Variants in OCA2 observed in about 807,000 individuals in gnomAD.
The protein encoded by OCA2 is OCA2 melanosomal transmembrane protein, also known as P protein.
In OCA2, 77 loss-of-function variants were observed where a neutral mutation model predicts 100.2. The ratio of observed to expected loss-of-function variants is 0.77; its 90% confidence interval spans 0.64 to 0.93. The LOEUF is 0.93. Among genes scored for constraint, OCA2 ranks in the 40% least tolerant of loss-of-function variants. The pLI is 0.00. For missense variants in OCA2, 1,062 were observed against 1,089.1 expected (o/e 0.98, Z 0.35); for synonymous variants, 432 against 439.2 (o/e 0.98, Z 0.21).
At chr15:27,971,551 G>C (rs1328050248) in intron 14 of OCA2, among the ~76,000 whole-genome samples, 3 of 152,120 alleles carry the variant, frequency 2.0e-5, no homozygotes, top group Admixed American at 6.5e-5. Context: ...GGAATAAGTG[G>C]TTGTCCATGT....
chr15:27,999,028 A>C lies in OCA2; in HGVS notation c.1045-8381T>G, dbSNP rs375803831. 8.6e-5 allele frequency among the ~76,000 whole-genome samples: 13 copies of C among 151,940 alleles called. No individual in the cohort carries two copies. The East Asian group carries it at 2.3e-3, about 27-fold the overall frequency. ...AACACATGGACACAGGAAGGGGAAC[A>C]TCACACTCTGGGGACTGTTGTGGGG... On this transcript the variant is annotated intron_variant, in intron 9 of 23. Coordinates refer to ENST00000354638, the MANE Select transcript of OCA2 (RefSeq NM_000275.3).
the OCA2 span, among the ~76,000 whole-genome samples, chr15:27,731,941 T>C: frequency 5.3e-5 from 8 of 152,338 alleles, no homozygotes; most frequent in South Asian, 1.4e-3. Context: ...GCCAAGAGGC[T>C]TAATCACTTT....
chr15:27,837,683 C>T (rs8023273), intron 23 of OCA2, among the ~76,000 whole-genome samples: 101,341 of 151,778 alleles, frequency 0.67, 34,631 homozygotes, highest in East Asian at 1. Context: ...GTATAGACTA[C>T]GGAGAAAAGA....
chr15:28,023,539 G>A (rs959944382), intron 5 of OCA2, among the ~76,000 whole-genome samples: 24 of 150,150 alleles, frequency 1.6e-4, no homozygotes, highest in African/African-American at 5.9e-4. Flanking sequence ...AGGGGACCCT[G>A]TCACCAGGGC....
At chr15:27,928,542 T>C (rs559882888) in intron 18 of OCA2, among the ~76,000 whole-genome samples, 1 of 152,252 alleles carries the variant, frequency 6.6e-6, no homozygotes, top group Non-Finnish European at 1.5e-5. Flanking sequence ...CAGGGCTGCG[T>C]TCCTGTCTGG....
rs146316433 is a variant in OCA2, at chr15:27,968,912, C to T, written c.1504-2090G>A. ...TGTGTTTATCTCTATAATTCATACC[C>T]CAGATATCTGAAAAAGATCCACGAT... On this transcript the variant is annotated intron_variant, in intron 14 of 23. Coordinates refer to ENST00000354638, the MANE Select transcript of OCA2 (RefSeq NM_000275.3). Among the ~76,000 whole-genome samples, 144 of 151,614 alleles carry T rather than the reference C, an allele frequency of 9.5e-4. 1 individual carries two copies. The highest frequency in any genetic ancestry group is 3.4e-3 in the African/African-American group (139 of 41,300).
intron 14 of OCA2, among the ~76,000 whole-genome samples, chr15:27,969,949 T>C (rs957737138): frequency 1.3e-4 from 20 of 151,758 alleles, no homozygotes; most frequent in African/African-American, 4.4e-4. Flanking sequence ...GCTGAATCTA[T>C]TGAATATTTT....
chr15:27,783,351 C>T (rs1480408132), intron 23 of OCA2, among the ~76,000 whole-genome samples: 2 of 152,214 alleles, frequency 1.3e-5, no homozygotes, highest in Non-Finnish European at 2.9e-5. Flanking sequence ...AAAGTGACTC[C>T]TATCTTGCTA....
At chr15:28,062,680 A>G (rs960453847) in intron 2 of OCA2, among the ~76,000 whole-genome samples, 1 of 152,168 alleles carries the variant, frequency 6.6e-6, no homozygotes, top group Non-Finnish European at 1.5e-5. Flanking sequence ...GGAGTTTTAT[A>G]GTTTTAGAAC....
chr15:27,785,862 T>C (rs187389121), intron 23 of OCA2, among the ~76,000 whole-genome samples: 74 of 152,252 alleles, frequency 4.9e-4, no homozygotes, highest in Admixed American at 4.8e-3. Flanking sequence ...GATGAATGAA[T>C]AAACAAACTG....
chr15:27,884,573 T>C (rs1488075115), intron 19 of OCA2, among the ~76,000 whole-genome samples: 1 of 152,076 alleles, frequency 6.6e-6, no homozygotes, highest in Non-Finnish European at 1.5e-5. Flanking sequence ...AGGTGACCAC[T>C]CTCGTTCTAA....
At chr15:27,972,764 A>AT (rs1334616356) in intron 14 of OCA2, among the ~76,000 whole-genome samples, 1 of 151,254 alleles carries the variant, frequency 6.6e-6, no homozygotes, top group Non-Finnish European at 1.5e-5. Flanking sequence ...CCTTTGTCAG[A>AT]TTCATAGTTT....
At chr15:27,867,796 T>A (rs953354533) in intron 21 of OCA2, among the ~76,000 whole-genome samples, 1 of 152,264 alleles carries the variant, frequency 6.6e-6, no homozygotes, top group Non-Finnish European at 1.5e-5. Flanking sequence ...GCAATATATA[T>A]GTATGTTAAC....
intron 2 of OCA2, among the ~76,000 whole-genome samples, chr15:28,071,645 G>T (rs998034066): frequency 6.6e-6 from 1 of 152,130 alleles, no homozygotes; most frequent in Admixed American, 6.6e-5. Flanking sequence ...CTTTGACATG[G>T]CCAATATAAA....
intron 23 of OCA2, among the ~76,000 whole-genome samples, chr15:27,756,623 C>T (rs939086049): frequency 5.9e-5 from 9 of 152,224 alleles, no homozygotes; most frequent in Non-Finnish European, 1.3e-4. Flanking sequence ...AAAAACACAA[C>T]CCACGACAGT....
At chr15:27,816,315 G>C (rs1009877203) in intron 23 of OCA2, among the ~76,000 whole-genome samples, 1 of 152,116 alleles carries the variant, frequency 6.6e-6, no homozygotes, top group Admixed American at 6.5e-5. Flanking sequence ...CAGAATCATC[G>C]GGAAGTGTAA....
intron 2 of OCA2, among the ~76,000 whole-genome samples, chr15:28,034,939 TCAGGAGACCCTCAGGAGAGGGA>T (rs2141406939): frequency 6.6e-6 from 1 of 151,950 alleles, no homozygotes; most frequent in East Asian, 1.9e-4. Context: ...GACGAGAGGG[TCAGGAGACCCTCAGGAGAGGGA>T]GAGTGCTCAG....
chr15:27,802,072 A>C (rs2033638457), intron 23 of OCA2, among the ~76,000 whole-genome samples: 1 of 152,214 alleles, frequency 6.6e-6, no homozygotes, highest in Admixed American at 6.5e-5. Context: ...GTAATCTACA[A>C]AAAGACTACT....
chr15:28,042,656 T>TAATAAATA lies in OCA2; in HGVS notation c.228-10501_228-10494dup, dbSNP rs764760430. On this transcript the variant is annotated intron_variant, in intron 2 of 23. Transcript: ENST00000354638. ...CTCTGTCTCAAAGTAAATAAATAAA[T>TAATAAATA]AATAAATAAATAAATAAATAAATAA... 8.8e-4 allele frequency among the ~76,000 whole-genome samples: 67 copies of TAATAAATA among 76,352 alleles called. No homozygotes were observed. In the East Asian group the frequency reaches 0.25, roughly 288 times the overall value. 50.1% of individuals were successfully genotyped at this position (76,352 alleles called of 152,430 possible).
Sources: allele counts gnomAD v4.1 joint callset (sites outside exome capture counted in the v4.1 genomes callset), GRCh38; gene constraint gnomAD v4.1.1; transcripts MANE v1.5; gene names NCBI Gene and HGNC (gene_info 2026-07-23, HGNC 2026-07-21).